LCOR: variants seen among roughly 807,000 people sequenced by gnomAD.
LCOR encodes ligand-dependent corepressor.
A neutral mutation model predicts 64.4 loss-of-function variants in LCOR; 14 were observed. The ratio of observed to expected loss-of-function variants is 0.22; its 90% CI spans 0.14 to 0.34. LCOR has a LOEUF of 0.34. LCOR is among the 10% of genes least tolerant of loss of function. The probability of loss-of-function intolerance (pLI) is 1.00; values close to 1 mark genes in which losing one functional copy is unlikely to be tolerated. For missense variants in LCOR, 1,686 were observed against 1,765.3 expected, an observed-to-expected ratio of 0.96 and a Z score of 0.80; for synonymous variants, 643 against 642.5, an observed-to-expected ratio of 1.00 and a Z score of -0.01.
intron 2 of LCOR, among the ~76,000 whole-genome samples, chr10:96,865,627 C>A (rs1845958262): frequency 6.6e-6 from 1 of 152,132 alleles, no homozygotes; most frequent in Non-Finnish European, 1.5e-5. Context: ...GTAATCCCAG[C>A]ACTTTGGGAG....
intron 4 of LCOR, among the ~76,000 whole-genome samples, chr10:96,924,990 T>G (rs1847142784): frequency 6.6e-6 from 1 of 152,168 alleles, no homozygotes; most frequent in Non-Finnish European, 1.5e-5. Flanking sequence ...TAAATTTGAT[T>G]TCCACTACTC....
At chr10:96,965,395 G>A (rs1157100379) in intron 7 of LCOR, among the ~76,000 whole-genome samples, 2 of 150,768 alleles carry the variant, frequency 1.3e-5, no homozygotes, top group Non-Finnish European at 3.0e-5. Flanking sequence ...GGGCACGATG[G>A]CTCACGCCTG....
intron 7 of LCOR, chr10:96,962,792 G>A (rs987847012): frequency 1.3e-5 from 2 of 151,988 alleles, no homozygotes; most frequent in Non-Finnish European, 2.9e-5. Flanking sequence ...TATACATTTG[G>A]AGTGTTTGCA....
chr10:96,894,666 T>C (rs925225375), intron 2 of LCOR, among the ~76,000 whole-genome samples: 10 of 152,220 alleles, frequency 6.6e-5, no homozygotes, highest in East Asian at 1.9e-4. Context: ...TATCCTTCAA[T>C]TGGGGCCAGA....
intron 2 of LCOR, among the ~76,000 whole-genome samples, chr10:96,856,526 C>T (rs1301720254): frequency 6.7e-6 from 1 of 149,932 alleles, no homozygotes; most frequent in Non-Finnish European, 1.5e-5. Flanking sequence ...CACTGTCTTA[C>T]CCCGTCCCTG....
intron 5 of LCOR, among the ~76,000 whole-genome samples, chr10:96,944,592 ATT>A (rs35733272): frequency 1.2e-4 from 17 of 140,046 alleles, no homozygotes; most frequent in African/African-American, 2.6e-4. Flanking sequence ...CAACTGTGTG[ATT>A]TTTTTTTTTT....
chr10:96,887,356 A>G (rs1473256408), intron 2 of LCOR, among the ~76,000 whole-genome samples: 1 of 152,106 alleles, frequency 6.6e-6, no homozygotes, highest in Non-Finnish European at 1.5e-5. Flanking sequence ...TCACGAGGTC[A>G]GGAGATCGAG....
At chr10:96,853,939 C>T (rs1252590563) in intron 2 of LCOR, among the ~76,000 whole-genome samples, 5 of 152,218 alleles carry the variant, frequency 3.3e-5, no homozygotes, top group Non-Finnish European at 5.9e-5. Flanking sequence ...AAGACTCCCC[C>T]ATTATTACGA....
chr10:96,901,280 A>T (rs1846632954), intron 2 of LCOR, among the ~76,000 whole-genome samples: 1 of 152,190 alleles, frequency 6.6e-6, no homozygotes, highest in Non-Finnish European at 1.5e-5. Context: ...AAGCTTCCCA[A>T]GTAACTGGGA....
chr10:96,864,358 A>C (rs1347789473), intron 2 of LCOR, among the ~76,000 whole-genome samples: 5 of 152,194 alleles, frequency 3.3e-5, no homozygotes, highest in African/African-American at 1.2e-4. Context: ...TTGATTTTTC[A>C]AACAAGGAAA....
Position 96,879,723 on chromosome 10 carries a change from G to A in LCOR, c.-329-27542G>A, listed in dbSNP as rs186789006. Among the ~76,000 whole-genome samples, 316 of 152,138 alleles carry A rather than the reference G, an allele frequency of 2.1e-3. 1 individual carries two copies. Among genetic ancestry groups the A allele is most frequent in the Non-Finnish European group, 3.3e-3 (222 of 67,998 alleles). ...TGTCGCCCAGGCTGGAGTGCAGTGC[G>A]CGACGTTGGCGCACTGCAACCTCTG... On this transcript the variant is annotated intron_variant, in intron 2 of 7. Coordinates refer to ENST00000421806, the MANE Select transcript of LCOR (RefSeq NM_001346516.2).
intron 4 of LCOR, among the ~76,000 whole-genome samples, chr10:96,943,735 T>A (rs11188974): frequency 0.01 from 1,507 of 144,942 alleles, 25 homozygotes; most frequent in East Asian, 0.042. Context: ...TCAAAAAAAA[T>A]TTTTTTTTTG....
At chr10:96,970,140 G>C (rs1198731687) in intron 7 of LCOR, among the ~76,000 whole-genome samples, 1 of 151,042 alleles carries the variant, frequency 6.6e-6, no homozygotes, top group Non-Finnish European at 1.5e-5. Flanking sequence ...GGTCACGCCT[G>C]TAATCCCAGC....
chr10:96,887,103 G>T (rs1446792292), intron 2 of LCOR, among the ~76,000 whole-genome samples: 1 of 152,116 alleles, frequency 6.6e-6, no homozygotes, highest in Non-Finnish European at 1.5e-5. Flanking sequence ...CCTTTGCACT[G>T]TGTTGACAGT....
At chr10:96,920,670 G>GTGTATATATGTATATATGTA (rs144380071) in intron 4 of LCOR, among the ~76,000 whole-genome samples, 4 of 132,880 alleles carry the variant, frequency 3.0e-5, no homozygotes, top group African/African-American at 1.3e-4. Flanking sequence ...ATGTATATAT[G>GTGTATATATGTATATATGTA]TATATATTCA....
chr10:96,843,017 T>C (rs1845567929), intron 2 of LCOR, among the ~76,000 whole-genome samples: 1 of 152,222 alleles, frequency 6.6e-6, no homozygotes, highest in Admixed American at 6.5e-5. Context: ...CATGCACAGA[T>C]TCAGTTTGAT....
chr10:96,867,287 C>T (rs529448865), intron 2 of LCOR, among the ~76,000 whole-genome samples: 1 of 152,304 alleles, frequency 6.6e-6, no homozygotes, highest in Admixed American at 6.5e-5. Context: ...GCCACTGTGC[C>T]CGGACAGTCT....
intron 5 of LCOR, among the ~76,000 whole-genome samples, chr10:96,946,873 T>C (rs188144535): frequency 5.3e-4 from 80 of 152,218 alleles, no homozygotes; most frequent in Non-Finnish European, 9.6e-4. Flanking sequence ...CACAGAGGCA[T>C]CGCATAAATT....
chr10:96,954,509 A>G (rs562702310), intron 7 of LCOR, among the ~76,000 whole-genome samples: 29 of 152,344 alleles, frequency 1.9e-4, no homozygotes, highest in Non-Finnish European at 3.1e-4. Context: ...TGTTGAATAC[A>G]TTGAATTAAA....
Sources: allele counts gnomAD v4.1 joint callset (sites outside exome capture counted in the v4.1 genomes callset), GRCh38; gene constraint gnomAD v4.1.1; transcripts MANE v1.5; gene names NCBI Gene and HGNC (gene_info 2026-07-23, HGNC 2026-07-21).